The following ANK1 variants were observed in gnomAD, a reference collection of about 807,000 sequenced individuals.
ANK1 encodes ankyrin 1, also known as ankyrin-1.
In ANK1, 51 loss-of-function variants were observed where a neutral mutation model predicts 210.4. That is an observed-to-expected ratio of 0.24 (90% CI 0.19 to 0.31). ANK1 has a LOEUF of 0.31. Ranked by LOEUF, ANK1 falls within the 10% of genes least tolerant of loss-of-function variation. The probability of loss-of-function intolerance (pLI) is 1.00; values close to 1 mark genes in which losing one functional copy is unlikely to be tolerated. For synonymous variants in ANK1, 967 were observed against 1,025.9 expected (o/e 0.94, Z 1.10); for missense variants, 2,051 against 2,504.4 (o/e 0.82, Z 3.86).
At chr8:41,755,001 T>G (rs1179870104) in intron 2 of ANK1, among the ~76,000 whole-genome samples, 2 of 152,260 alleles carry the variant, frequency 1.3e-5, no homozygotes, top group Admixed American at 1.3e-4. Flanking sequence ...GTCCTGTCTT[T>G]CGTTCCCTTC....
At chr8:41,757,982 C>T (rs1839552975) in intron 2 of ANK1, 54 bp downstream of exon 2, 1 of 1,486,316 alleles carries the variant, frequency 6.7e-7, no homozygotes, top group Non-Finnish European at 9.4e-7. Context: ...CAGGAAATGG[C>T]ATCAGGCAAG....
At chr8:41,787,687 C>A (rs762684339) in intron 1 of ANK1, among the ~76,000 whole-genome samples, 1 of 152,132 alleles carries the variant, frequency 6.6e-6, no homozygotes, top group Admixed American at 6.5e-5. Flanking sequence ...AATAGCCAGG[C>A]GTGCTGGCCT....
intron 1 of ANK1, among the ~76,000 whole-genome samples, chr8:41,866,032 C>T (rs13282541): frequency 0.2 from 30,354 of 152,224 alleles, 3,371 homozygotes; most frequent in Non-Finnish European, 0.25. Context: ...CACTGGCCTC[C>T]GCCAGACCCT....
intron 1 of ANK1, among the ~76,000 whole-genome samples, chr8:41,771,418 C>T (rs900369157): frequency 7.2e-5 from 11 of 152,170 alleles, no homozygotes; most frequent in Admixed American, 6.5e-4. Context: ...ACCCTTAGAC[C>T]ACAAATAATC....
intron 2 of ANK1, among the ~76,000 whole-genome samples, chr8:41,746,929 A>G (rs550338448): frequency 2.0e-5 from 3 of 151,498 alleles, no homozygotes; most frequent in African/African-American, 7.3e-5. Context: ...GGAGAAAGGA[A>G]CCCTGGGCTT....
chr8:41,805,422 G>T (rs6474365), intron 1 of ANK1, among the ~76,000 whole-genome samples: 118,240 of 151,868 alleles, frequency 0.78, 46,901 homozygotes, highest in African/African-American at 0.84. Flanking sequence ...TTTTAATTTA[G>T]TTTTTGTAGA....
At chr8:41,772,694 G>A (rs566309941) in intron 1 of ANK1, among the ~76,000 whole-genome samples, 5 of 152,314 alleles carry the variant, frequency 3.3e-5, no homozygotes, top group African/African-American at 9.6e-5. Context: ...GGACTCAGTT[G>A]TGCCCCCACG....
At chr8:41,671,329 G>A (rs955232785) in intron 38 of ANK1, among the ~76,000 whole-genome samples, 31 of 152,164 alleles carry the variant, frequency 2.0e-4, no homozygotes, top group African/African-American at 6.8e-4. Context: ...CTGTGTGACT[G>A]CACACAAATA....
chr8:41,883,327 T>A (rs1315035140), intron 1 of ANK1, among the ~76,000 whole-genome samples: 1 of 152,202 alleles, frequency 6.6e-6, no homozygotes, highest in Admixed American at 6.5e-5. Flanking sequence ...TCATCCAGAT[T>A]TCCCTTCAAG....
chr8:41,698,347 C>T (rs961623406), intron 23 of ANK1, among the ~76,000 whole-genome samples: 6 of 152,320 alleles, frequency 3.9e-5, no homozygotes, highest in South Asian at 2.1e-4. Context: ...ACAGAATCCT[C>T]GCTCTGGCTA....
chr8:41,750,347 G>A (rs2150700587), intron 2 of ANK1, among the ~76,000 whole-genome samples: 1 of 152,280 alleles, frequency 6.6e-6, no homozygotes, highest in African/African-American at 2.4e-5. Flanking sequence ...TCGTTCAGAT[G>A]GTCGAGCTTC....
At position 41,725,958 on chromosome 8, in the gene ANK1, A is replaced by T. The variant is rs767165930; in HGVS notation, c.427-12T>A. The T allele has an allele frequency of 5.6e-6, 9 of 1,612,570 alleles. No homozygotes were observed. The South Asian group carries it at 6.6e-5, about 12-fold the overall frequency. On this transcript the variant is annotated splice_polypyrimidine_tract_variant and intron_variant, in intron 5 of 42. Transcript: ENST00000289734. ...GGCGTGAAGCCGTCCTGGCCAGAGGAGGAAAATGCTTTGCTCTGACTCGTC... is the reference window on the plus strand; with the variant it reads ...GGCGTGAAGCCGTCCTGGCCAGAGGTGGAAAATGCTTTGCTCTGACTCGTC...
intron 23 of ANK1, among the ~76,000 whole-genome samples, chr8:41,698,861 A>G (rs1821852447): frequency 6.6e-6 from 1 of 151,698 alleles, no homozygotes; most frequent in African/African-American, 2.4e-5. Context: ...CAGTGGCGCG[A>G]TCTTGGCTCA....
At chr8:41,840,759 G>T (rs932345822) in intron 1 of ANK1, among the ~76,000 whole-genome samples, 1 of 152,362 alleles carries the variant, frequency 6.6e-6, no homozygotes, top group East Asian at 1.9e-4. Context: ...TGGATTGGGA[G>T]CAGGGACCCA....
Position 41,707,750 on chromosome 8 carries a change from A to G in ANK1, c.1998+1028T>C, listed in dbSNP as rs1178714884. 2.6e-5 allele frequency among the ~76,000 whole-genome samples: 4 copies of G among 152,220 alleles called. 1 individual carries two copies. The highest frequency in any genetic ancestry group is 5.9e-5 in the Non-Finnish European group (4 of 68,048). ...TAATGAATATAATGGTCCTACCAGA[A>G]TGGTTCGCTCATTGGGGGTCAATTG... On this transcript the variant is annotated intron_variant, in intron 17 of 42. Coordinates refer to ENST00000289734, the MANE Select transcript of ANK1 (RefSeq NM_000037.4).
At chr8:41,773,560 C>T (rs1049777754) in intron 1 of ANK1, among the ~76,000 whole-genome samples, 1 of 152,174 alleles carries the variant, frequency 6.6e-6, no homozygotes, top group Non-Finnish European at 1.5e-5. Flanking sequence ...AATTCGACTC[C>T]TAACGAGCTC....
intron 37 of ANK1, among the ~76,000 whole-genome samples, chr8:41,673,261 C>T (rs1176061273): frequency 6.6e-6 from 1 of 152,154 alleles, no homozygotes; most frequent in East Asian, 1.9e-4. Flanking sequence ...GACTTGTGCT[C>T]CAATCTGTCT....
chr8:41,834,153 A>G lies in ANK1; in HGVS notation c.126+62202T>C, dbSNP rs10092506. ...GCAGGTCAGAGCCACAGGGTCCTCC[A>G]TGCATTTTGGAAAGGTCACTCCAGC... On this transcript the variant is annotated intron_variant, in intron 1 of 42. Coordinates refer to the ANK1 transcript ENST00000265709. Among the ~76,000 whole-genome samples the G allele has an allele frequency of 5.7e-3, 862 of 152,288 alleles. 8 individuals are homozygous for G. Among genetic ancestry groups the G allele is most frequent in the African/African-American group, 0.02 (822 of 41,558 alleles).
chr8:41,846,095 C>T (rs1017028347), intron 1 of ANK1, among the ~76,000 whole-genome samples: 13 of 152,250 alleles, frequency 8.5e-5, no homozygotes, highest in African/African-American at 2.9e-4. Flanking sequence ...GGGATGCTGG[C>T]TGCCTGCACT....
Sources: gnomAD v4.1 joint callset for allele counts (sites outside exome capture counted in the v4.1 genomes callset) on GRCh38, gnomAD v4.1.1 for gene constraint, MANE v1.5 for transcripts, NCBI Gene and HGNC (gene_info 2026-07-23, HGNC 2026-07-21) for gene names.